Variants in ITGAM observed in about 807,000 individuals in gnomAD.
The protein encoded by ITGAM is integrin subunit alpha M.
ITGAM carries 79 observed loss-of-function variants against 137.5 expected under a neutral mutation model. The observed-to-expected ratio is 0.57, with a 90% CI of 0.48 to 0.69. The LOEUF (loss-of-function observed/expected upper bound fraction) is 0.69. Among genes scored for constraint, ITGAM ranks in the 30% least tolerant of loss-of-function variants. ITGAM has a pLI of 0.00. For synonymous variants in ITGAM, 583 were observed against 592.3 expected, an observed-to-expected ratio of 0.98 and a Z score of 0.23; for missense variants, 1,343 against 1,483.5, an observed-to-expected ratio of 0.91 and a Z score of 1.56.
At chr16:31,270,715 A>ATAT (rs2079825212) in intron 5 of ITGAM, among the ~76,000 whole-genome samples, 1 of 100,276 alleles carries the variant, frequency 1.0e-5, no homozygotes, top group East Asian at 2.7e-4. Context: ...ATATATATAT[A>ATAT]TATATATATA....
chr16:31,324,325 G>A lies in ITGAM; in HGVS notation c.2003-74G>A. 2 of 1,289,456 alleles carry A rather than the reference G, an allele frequency of 1.6e-6. No homozygotes were observed. Among genetic ancestry groups the A allele is most frequent in the Non-Finnish European group, 1.1e-6 (1 of 914,408 alleles). The allele number at this position is 1,289,456 out of a possible 1,614,324, so 79.9% of individuals were successfully genotyped here. On this transcript the variant is annotated intron_variant, in intron 16 of 29. Coordinates refer to ENST00000544665, the MANE Select transcript of ITGAM (RefSeq NM_000632.4). The surrounding 1 kb of genome is among the most constrained non-coding windows in gnomAD (Gnocchi z 4.5). ...AGTCACACAGCTGAGAAGCAGAGGA[G>A]CTGGGCCTTGAACTCCCATCTGCCG...
intron 14 of ITGAM, among the ~76,000 whole-genome samples, chr16:31,300,590 CT>C (rs1318573132): frequency 6.6e-6 from 1 of 152,144 alleles, no homozygotes; most frequent in African/African-American, 2.4e-5. Context: ...AAAAATGTCT[CT>C]TCAAGCCCTT....
In ITGAM at chr16:31,324,079, G is replaced by GAC. The variant is rs2080478332; in HGVS notation, c.2003-320_2003-319insAC. Among the ~76,000 whole-genome samples the GAC allele has an allele frequency of 7.0e-6, 1 of 143,682 alleles. No individual in the cohort carries two copies. Among genetic ancestry groups the GAC allele is most frequent in the African/African-American group, 2.6e-5 (1 of 38,688 alleles). 94.3% of individuals were successfully genotyped at this position (143,682 alleles called of 152,430 possible). On this transcript the variant is annotated intron_variant, in intron 16 of 29. Coordinates refer to ENST00000544665, the MANE Select transcript of ITGAM (RefSeq NM_000632.4). The surrounding 1 kb of genome is among the most constrained non-coding windows in gnomAD (Gnocchi z 4.5). ...AAGGGAAGGAAGGAAAGGAAGGAAAGTAGGAAAGGAAGGAAAGGAAGAAAA... is the reference window on the plus strand; with the variant it reads ...AAGGGAAGGAAGGAAAGGAAGGAAAGACTAGGAAAGGAAGGAAAGGAAGAAAA...
Position 31,275,597 on chromosome 16 carries a change from A to T in ITGAM, c.907A>T (p.Ile303Phe). 1 of 1,613,886 alleles carries T rather than the reference A, an allele frequency of 6.2e-7. No individual in the cohort carries two copies. The highest frequency in any genetic ancestry group is 8.5e-7 in the Non-Finnish European group (1 of 1,179,838). The change falls in exon 9 of 30, where the codon ATC (isoleucine) becomes TTC (phenylalanine). Residue 303 changes from isoleucine (I) to phenylalanine (F), a missense_variant. By Grantham distance (21) the Ile-to-Phe change is conservative. Transcript: ENST00000544665. ...GAAATCCCGCCAAGAGCTTAATACC[A>T]TCGCATCCAAGCCGCCTCGTGATCA... ...SEKSRQELNT[I>F]ASKPPRDHVF...
chr16:31,287,097 T>C (rs2080036704), intron 12 of ITGAM, among the ~76,000 whole-genome samples: 1 of 152,220 alleles, frequency 6.6e-6, no homozygotes, highest in Admixed American at 6.5e-5. Flanking sequence ...TTCTTCTGCA[T>C]ATGGATAGCC....
In ITGAM at chr16:31,273,379, ACAT is replaced by A. The variant is rs1479090107; in HGVS notation, c.722_724del (p.Ile241del). 2 of 1,613,670 alleles carry A rather than the reference ACAT, an allele frequency of 1.2e-6. No individual in the cohort carries two copies. The highest frequency in any genetic ancestry group is 1.7e-6 in the Non-Finnish European group (2 of 1,179,820). Reference sequence around the variant, plus strand: ...TTCCTGCACAGACGAGAGCTGTTTAACATCACCAACGGAGCCCGAAAGAATGCC... The same window carrying A: ...TTCCTGCACAGACGAGAGCTGTTTAACACCAACGGAGCCCGAAAGAATGCC... On this transcript the variant is annotated inframe_deletion, in exon 8 of 30. Coordinates refer to ENST00000544665, the MANE Select transcript of ITGAM (RefSeq NM_000632.4).
In ITGAM at chr16:31,265,747, C is replaced by T; in HGVS notation, c.239-64C>T. ...CTCCCGCATGGAGGTGACCCCTGCC[C>T]AGCTCTTCCACAGCCTTCTCTGTCC... On this transcript the variant is annotated intron_variant, in intron 3 of 29. Coordinates refer to ENST00000544665, the MANE Select transcript of ITGAM (RefSeq NM_000632.4). 2.8e-6 allele frequency: 4 copies of T among 1,444,828 alleles called. No homozygotes were observed. In the South Asian group the frequency reaches 3.5e-5, roughly 13 times the overall value. 89.5% of individuals were successfully genotyped at this position (1,444,828 alleles called of 1,614,324 possible).
rs2079764780 is a variant in ITGAM at position 31,266,145 on chromosome 16, G to T, written c.425G>T (p.Arg142Leu). 1 of 1,610,614 alleles carries T rather than the reference G, an allele frequency of 6.2e-7. No homozygotes were observed. The highest frequency in any genetic ancestry group is 8.5e-7 in the Non-Finnish European group (1 of 1,177,270). ...QQPQKFPEALRGCPQEDSDIA... is the reference protein window; with the variant it reads ...QQPQKFPEALLGCPQEDSDIA... ...CCCCAGAAGTTCCCAGAGGCCCTCC[G>T]AGGTGGGTTGCCTTTGGCAGAGGGA... The change falls in exon 5 of 30, where the codon CGA becomes CTA. Residue 142 changes from arginine to leucine, a missense_variant and splice_region_variant. Coordinates refer to ENST00000544665, the MANE Select transcript of ITGAM (RefSeq NM_000632.4).
At chr16:31,312,256 G>T (rs1036852726) in intron 14 of ITGAM, among the ~76,000 whole-genome samples, 6 of 151,906 alleles carry the variant, frequency 3.9e-5, no homozygotes, top group Non-Finnish European at 7.4e-5. Flanking sequence ...TGCACGTTGT[G>T]CATGTGTACC....
chr16:31,271,135 A>G, intron 6 of ITGAM, 51 bp downstream of exon 6: 1 of 1,404,898 alleles, frequency 7.1e-7, no homozygotes, highest in Non-Finnish European at 9.4e-7. Context: ...GCTGGAAGAT[A>G]CATGGCAACC....
At chr16:31,308,049 C>G (rs886953126) in intron 14 of ITGAM, among the ~76,000 whole-genome samples, 1 of 151,982 alleles carries the variant, frequency 6.6e-6, no homozygotes, top group African/African-American at 2.4e-5. Context: ...ATTCGGTTTG[C>G]CAGTATTTTA....
intron 16 of ITGAM, 36 bp downstream of exon 16, chr16:31,321,663 G>C (rs374369263): frequency 1.2e-6 from 2 of 1,600,624 alleles, no homozygotes; most frequent in African/African-American, 2.7e-5. Flanking sequence ...GAGGTTAAAC[G>C]ACCGAGGACA....
At position 31,325,387 on chromosome 16, in the gene ITGAM, A is replaced by G. The variant is rs759879969; in HGVS notation, c.2488A>G (p.Lys830Glu). 6.2e-7 allele frequency: 1 copy of G among 1,613,512 alleles called. No homozygotes were observed. Among genetic ancestry groups the G allele is most frequent in the Admixed American group, 1.7e-5 (1 of 59,974 alleles). ...FFFPLDLSYRKVSTLQNQRSQ... is the reference protein window; with the variant it reads ...FFFPLDLSYREVSTLQNQRSQ... The stretch of plus-strand genomic sequence containing the variant: ...CTTCCCGCTTGACCTGTCCTACCGG[A>G]AGGTGTCCACGCTCCAGGTAGCCAC... Residue 830 changes from lysine to glutamate, a missense_variant, in exon 20 of 30, where the codon AAG becomes GAG. Lys to Glu is a moderately conservative substitution (Grantham distance 56). Coordinates refer to ENST00000544665, the MANE Select transcript of ITGAM (RefSeq NM_000632.4).
chr16:31,262,779 A>G (rs1015166529), intron 2 of ITGAM, among the ~76,000 whole-genome samples: 1 of 152,012 alleles, frequency 6.6e-6, no homozygotes, highest in African/African-American at 2.4e-5. Flanking sequence ...AGCCTAAAAC[A>G]TTTACCTTTA....
chr16:31,327,844 C>T (rs965841643), intron 22 of ITGAM, among the ~76,000 whole-genome samples: 2 of 151,984 alleles, frequency 1.3e-5, no homozygotes, highest in Admixed American at 6.6e-5. Context: ...TTTGCAGTTT[C>T]GCCTCTGGGA....
rs1411328900 is a variant in ITGAM at position 31,321,302 on chromosome 16, G to A, written c.1769G>A (p.Gly590Asp). 6.2e-7 allele frequency: 1 copy of A among 1,613,962 alleles called. No homozygotes were observed. Residue 590 changes from glycine to aspartate, a missense_variant, in exon 15 of 30, where the codon GGC (glycine) becomes GAC (aspartate). Gly to Asp is a moderately conservative substitution (Grantham distance 94, BLOSUM62 -1). Transcript: ENST00000544665. Reference sequence around the variant, plus strand: ...TATTTTGGTCAGTCACTGAGTGGGGGCCAGGACCTCACAATGGATGGACTG... The same window carrying A: ...TATTTTGGTCAGTCACTGAGTGGGGACCAGGACCTCACAATGGATGGACTG... The part of the protein sequence containing the change: ...LQYFGQSLSG[G>D]QDLTMDGLVD...
Position 31,276,529 on chromosome 16 carries a change from A to T in ITGAM, c.1010-142A>T, listed in dbSNP as rs547027476. On this transcript the variant is annotated intron_variant, in intron 9 of 29. Transcript: ENST00000544665. ...GTATTTTTAGTAGAGACGGGGTTTC[A>T]CCATGTTCACCAGACTGGTCTCTAA... is the stretch of plus-strand genomic sequence containing the variant. The T allele has an allele frequency of 2.1e-5, 13 of 614,356 alleles. No homozygotes were observed. The South Asian group carries it at 2.4e-4, about 11-fold the overall frequency. The allele number at this position is 614,356 out of a possible 1,614,324, so 38.1% of individuals were successfully genotyped here.
At chr16:31,330,703 G>A (rs950060792) in intron 28 of ITGAM, 98 bp downstream of exon 28, 68 of 814,724 alleles carry the variant, frequency 8.3e-5, no homozygotes, top group Non-Finnish European at 1.2e-4. Flanking sequence ...GAGAGGGAGA[G>A]AGAGAGACAG....
At chr16:31,279,878 C>G (rs917485912) in intron 12 of ITGAM, among the ~76,000 whole-genome samples, 1 of 152,144 alleles carries the variant, frequency 6.6e-6, no homozygotes, top group Non-Finnish European at 1.5e-5. Flanking sequence ...TTAGGTCTAA[C>G]ATTTAAGTCT....
Sources: gnomAD v4.1 joint callset for allele counts (sites outside exome capture counted in the v4.1 genomes callset) on GRCh38, gnomAD v4.1.1 for gene constraint, Gnocchi (gnomAD v3.1) non-coding constraint, MANE v1.5 for transcripts, NCBI Gene and HGNC (gene_info 2026-07-23, HGNC 2026-07-21) for gene names.